The following SLC1A7 variants were observed in gnomAD, a reference collection of about 807,000 sequenced individuals.
SLC1A7 encodes the protein excitatory amino acid transporter 5.
Under a neutral mutation model 47.7 loss-of-function variants are expected in SLC1A7, and 40 were observed. The ratio of observed to expected loss-of-function variants is 0.84; its 90% CI spans 0.65 to 1.09. The LOEUF is 1.09. Among genes scored for constraint, SLC1A7 ranks in the 50% least tolerant of loss-of-function variants. SLC1A7 has a pLI of 0.00. For missense variants in SLC1A7, 746 were observed against 769.5 expected (o/e 0.97, Z 0.36); for synonymous variants, 323 against 325.6 (o/e 0.99, Z 0.09).
intron 1 of SLC1A7, among the ~76,000 whole-genome samples, chr1:53,140,996 T>C (rs1169123600): frequency 1.3e-5 from 2 of 152,178 alleles, no homozygotes; most frequent in Non-Finnish European, 2.9e-5. Flanking sequence ...TAGACATTAG[T>C]GAGCTGCGGG....
intron 2 of SLC1A7, among the ~76,000 whole-genome samples, chr1:53,128,181 G>A (rs1644903838): frequency 6.6e-6 from 1 of 152,172 alleles, no homozygotes; most frequent in African/African-American, 2.4e-5. Flanking sequence ...GAGGCAGTAA[G>A]AATAGGAATT....
chr1:53,128,429 G>GAGGTATTCTTCCCACTTTATAGA (rs1228578431), intron 2 of SLC1A7, among the ~76,000 whole-genome samples: 10 of 94,820 alleles, frequency 1.1e-4, no homozygotes, highest in African/African-American at 2.7e-4. Context: ...GTGAGCTGTG[G>GAGGTATTCTTCCCACTTTATAGA]TCATGCCACT....
At chr1:53,101,121 A>C (rs12737273) in intron 5 of SLC1A7, among the ~76,000 whole-genome samples, 30,977 of 138,728 alleles carry the variant, frequency 0.22, 3,305 homozygotes, top group Middle Eastern at 0.33. Flanking sequence ...ACTCACACAC[A>C]CTGCCGCAGT....
chr1:53,096,046 GGTACACTCAACTGCCTCA>G (rs1052958012), intron 5 of SLC1A7, among the ~76,000 whole-genome samples: 11 of 141,748 alleles, frequency 7.8e-5, no homozygotes, highest in Non-Finnish European at 1.5e-5. Flanking sequence ...AACTCGCCTC[GGTACACTCAACTGCCTCA>G]GTACACTCAC....
intron 1 of SLC1A7, among the ~76,000 whole-genome samples, chr1:53,138,284 A>G (rs1275234382): frequency 6.6e-6 from 1 of 152,072 alleles, no homozygotes; most frequent in African/African-American, 2.4e-5. Flanking sequence ...GGGCCATAGT[A>G]TGGGGTTTTC....
intron 3 of SLC1A7, among the ~76,000 whole-genome samples, chr1:53,107,099 G>A (rs1644650969): frequency 6.7e-6 from 1 of 149,178 alleles, no homozygotes; most frequent in Non-Finnish European, 1.5e-5. Context: ...GAGGTTGCAG[G>A]GAGCTGAGAT....
chr1:53,090,566 C>A (rs777546217), intron 8 of SLC1A7, 46 bp downstream of exon 8: 1 of 1,499,368 alleles, frequency 6.7e-7, no homozygotes, highest in African/African-American at 1.4e-5. Context: ...ATCCCCAAGG[C>A]CCCCAGCCCC....
intron 2 of SLC1A7, among the ~76,000 whole-genome samples, chr1:53,119,630 G>A (rs1644798634): frequency 6.6e-6 from 1 of 152,132 alleles, no homozygotes; most frequent in Admixed American, 6.5e-5. Context: ...GGGATTACAG[G>A]TGTGAGCCAC....
At position 53,124,254 on chromosome 1, in the gene SLC1A7, ACACACACACACACACACACACAC is replaced by A. The variant is rs1428594069; in HGVS notation, c.216-9304_216-9282del. 5.3e-5 allele frequency among the ~76,000 whole-genome samples: 8 copies of A among 150,538 alleles called. No individual in the cohort carries two copies. In the East Asian group the frequency reaches 1.2e-3, roughly 22 times the overall value. On this transcript the variant is annotated intron_variant, in intron 2 of 10. Transcript: ENST00000371494. Reference sequence around the variant, plus strand: ...AAGGAAAACAATACATACACAACACACACACACACACACACACACACACACACACACACACAACACAGCTTCAC... The same window carrying A: ...AAGGAAAACAATACATACACAACACAACACACACACACAACACAGCTTCAC...
At chr1:53,123,412 C>A (rs1644846808) in intron 2 of SLC1A7, among the ~76,000 whole-genome samples, 1 of 152,200 alleles carries the variant, frequency 6.6e-6, no homozygotes, top group African/African-American at 2.4e-5. Flanking sequence ...GTTTTCAAAA[C>A]CTCACCCACC....
chr1:53,107,156 A>G (rs1644652502), intron 3 of SLC1A7, among the ~76,000 whole-genome samples: 1 of 135,028 alleles, frequency 7.4e-6, no homozygotes, highest in African/African-American at 3.5e-5. Flanking sequence ...CTCTGACTAA[A>G]AAAAAAAAAA....
chr1:53,129,465 A>C (rs1442310126), intron 2 of SLC1A7, among the ~76,000 whole-genome samples: 4,852 of 117,234 alleles, frequency 0.041, 22 homozygotes, highest in Middle Eastern at 0.068. Flanking sequence ...ATTGTGACAG[A>C]TGAAGCCACC....
chr1:53,114,510 A>T lies in SLC1A7; in HGVS notation c.431+248T>A, dbSNP rs114666854. The T allele has an allele frequency of 3.7e-3, 1,877 of 513,324 alleles. 27 individuals are homozygous for T. Among genetic ancestry groups the T allele is most frequent in the African/African-American group, 0.033 (1,728 of 52,714 alleles). The allele number at this position is 513,324 out of a possible 1,614,324, so 31.8% of individuals were successfully genotyped here. On this transcript the variant is annotated intron_variant, in intron 3 of 10. Coordinates refer to ENST00000371494, the MANE Select transcript of SLC1A7 (RefSeq NM_006671.6). The stretch of plus-strand genomic sequence containing the variant: ...AGGCTGGGCATCAGCAAATGCTCAC[A>T]GATGTCTGCTCTGCGCCCATCCACA...
At position 53,088,378 on chromosome 1, in the gene SLC1A7, C is replaced by T. The variant is rs187638750; in HGVS notation, c.1465-151G>A. On this transcript the variant is annotated intron_variant, in intron 10 of 10. Transcript: ENST00000371494. ...CACGCTGTGTGACCTCGGCAGGTCA[C>T]GGCCTCCCTGGGCTCCTGTTCCCAA... 5.3e-4 allele frequency: 329 copies of T among 622,078 alleles called. 4 individuals carry two copies. In the African/African-American group the frequency reaches 5.4e-3, roughly 10 times the overall value. The allele number at this position is 622,078 out of a possible 1,614,324, so 38.5% of individuals were successfully genotyped here.
intron 6 of SLC1A7, 31 bp downstream of exon 6, chr1:53,093,430 C>G: frequency 6.5e-7 from 1 of 1,546,834 alleles, no homozygotes; most frequent in East Asian, 2.3e-5. Flanking sequence ...CAGGGCTGGC[C>G]GGGGTGAGGT....
At chr1:53,090,567 C>CT in intron 8 of SLC1A7, 45 bp downstream of exon 8, 1 of 1,507,114 alleles carries the variant, frequency 6.6e-7, no homozygotes, top group African/African-American at 1.4e-5. Context: ...TCCCCAAGGC[C>CT]CCCAGCCCCC....
intron 4 of SLC1A7, 134 bp from the exon 5 acceptor site, chr1:53,103,702 GGCAGGCAGA>G: frequency 1.7e-6 from 1 of 573,052 alleles, no homozygotes; most frequent in Non-Finnish European, 3.0e-6. Flanking sequence ...AACCCTGTGA[GGCAGGCAGA>G]GCAGGGATTG....
intron 2 of SLC1A7, among the ~76,000 whole-genome samples, chr1:53,131,775 T>G (rs796805740): frequency 9.2e-5 from 14 of 152,370 alleles, no homozygotes; most frequent in African/African-American, 3.1e-4. Context: ...CAGAGTAGCC[T>G]CGTTAACTTT....
intron 1 of SLC1A7, among the ~76,000 whole-genome samples, chr1:53,136,560 T>TATA (rs1644997541): frequency 1.2e-5 from 1 of 80,508 alleles, no homozygotes; most frequent in South Asian, 3.3e-4. Flanking sequence ...TATATAAACA[T>TATA]ATATATAAAC....
Sources: gnomAD v4.1 joint callset for allele counts (sites outside exome capture counted in the v4.1 genomes callset) on GRCh38, gnomAD v4.1.1 for gene constraint, MANE v1.5 for transcripts, NCBI Gene and HGNC (gene_info 2026-07-23, HGNC 2026-07-21) for gene names.